PTPRD: variants seen among roughly 807,000 people sequenced by gnomAD.
The protein encoded by PTPRD is receptor-type tyrosine-protein phosphatase delta.
In PTPRD, 34 loss-of-function variants were observed where a neutral mutation model predicts 214.5. The ratio of observed to expected loss-of-function variants is 0.16; its 90% confidence interval spans 0.12 to 0.21. The LOEUF is 0.21. Among genes scored for constraint, PTPRD ranks in the 10% least tolerant of loss-of-function variants. The pLI is 1.00. For synonymous variants in PTPRD, 1,128 were observed against 845.7 expected, an observed-to-expected ratio of 1.33 and a Z score of -5.79; for missense variants, 2,545 against 2,398.7, an observed-to-expected ratio of 1.06 and a Z score of -1.27.
rs574073808 is a variant in PTPRD, at chr9:8,916,398, G to A, written c.-104+102299C>T. ...CTGAAAATCACAGTCAGAAAGTAGT[G>A]GATACACTATGAGAATATTGTATAA... On this transcript the variant is annotated intron_variant, in intron 11 of 45. Transcript: ENST00000381196. 2.6e-5 allele frequency among the ~76,000 whole-genome samples: 4 copies of A among 152,236 alleles called. No homozygotes were observed. In the East Asian group the frequency reaches 7.7e-4, roughly 29 times the overall value.
At chr9:8,374,082 CCATT>C (rs2082473747) in intron 39 of PTPRD, among the ~76,000 whole-genome samples, 1 of 148,886 alleles carries the variant, frequency 6.7e-6, no homozygotes, top group East Asian at 2.0e-4. Flanking sequence ...ATTTTTGTTC[CCATT>C]ATTTTAAACA....
intron 8 of PTPRD, among the ~76,000 whole-genome samples, chr9:9,552,838 G>A (rs1259526875): frequency 3.9e-5 from 6 of 152,078 alleles, no homozygotes; most frequent in Non-Finnish European, 7.4e-5. Flanking sequence ...GTCATTTGCT[G>A]ACAGTAAACC....
At chr9:9,189,262 T>C (rs962465889) in intron 9 of PTPRD, among the ~76,000 whole-genome samples, 1 of 152,010 alleles carries the variant, frequency 6.6e-6, no homozygotes, top group African/African-American at 2.4e-5. Flanking sequence ...TTGAAAGAGA[T>C]CTTGAACAAC....
At chr9:8,751,157 A>G (rs1023221071) in intron 11 of PTPRD, among the ~76,000 whole-genome samples, 1 of 152,182 alleles carries the variant, frequency 6.6e-6, no homozygotes, top group Non-Finnish European at 1.5e-5. Context: ...CTCTGTTCCT[A>G]CACAGCAACC....
intron 8 of PTPRD, among the ~76,000 whole-genome samples, chr9:9,422,011 A>G (rs1435548414): frequency 2.6e-5 from 4 of 152,134 alleles, no homozygotes; most frequent in African/African-American, 4.8e-5. Context: ...AAAAAACAGT[A>G]AAGAATGTGA....
intron 11 of PTPRD, among the ~76,000 whole-genome samples, chr9:8,875,579 T>C (rs1165762653): frequency 1.3e-5 from 2 of 152,040 alleles, no homozygotes; most frequent in Admixed American, 1.3e-4. Context: ...AACATCTCAA[T>C]GAGTATTTAC....
At chr9:9,049,889 T>G (rs572449981) in intron 10 of PTPRD, among the ~76,000 whole-genome samples, 4 of 152,174 alleles carry the variant, frequency 2.6e-5, no homozygotes, top group African/African-American at 9.7e-5. Context: ...GACCCCAACT[T>G]TGAGATTAGA....
intron 2 of PTPRD, among the ~76,000 whole-genome samples, chr9:10,396,497 C>G (rs1052028894): frequency 6.6e-6 from 1 of 151,866 alleles, no homozygotes; most frequent in Admixed American, 6.6e-5. Flanking sequence ...TTCTTCTCCC[C>G]CAGTTCTATT....
chr9:10,555,761 A>G (rs1177282367), intron 2 of PTPRD, among the ~76,000 whole-genome samples: 2 of 152,254 alleles, frequency 1.3e-5, no homozygotes, highest in African/African-American at 2.4e-5. Context: ...AAAAAACCAC[A>G]AAACTCAATC....
At chr9:9,090,381 G>A (rs552629139) in intron 10 of PTPRD, among the ~76,000 whole-genome samples, 7 of 152,312 alleles carry the variant, frequency 4.6e-5, no homozygotes, top group African/African-American at 1.4e-4. Context: ...TGGTGCAAAT[G>A]ACAGGATTTA....
Position 8,815,063 on chromosome 9 carries a change from T to C in PTPRD, c.-103-81117A>G, listed in dbSNP as rs73429098. On this transcript the variant is annotated intron_variant, in intron 11 of 45. Transcript: ENST00000381196. The stretch of plus-strand genomic sequence containing the variant: ...CTCCAATTCTGGCAGTGGACAAGAA[T>C]TGTCATATCTCACATTTAAAGGTGA... 3.8e-3 allele frequency among the ~76,000 whole-genome samples: 575 copies of C among 152,306 alleles called. 3 individuals carry two copies. The highest frequency in any genetic ancestry group is 0.013 in the African/African-American group (525 of 41,580).
At chr9:9,709,838 AT>A (rs754415924) in intron 7 of PTPRD, among the ~76,000 whole-genome samples, 15 of 152,094 alleles carry the variant, frequency 9.9e-5, no homozygotes, top group Admixed American at 3.9e-4. Flanking sequence ...TTACAGATTG[AT>A]TTCTCTATGT....
intron 3 of PTPRD, among the ~76,000 whole-genome samples, chr9:10,210,908 G>C (rs1024273962): frequency 6.7e-6 from 1 of 148,426 alleles, no homozygotes; most frequent in Non-Finnish European, 1.5e-5. Flanking sequence ...CAAGTTCAGA[G>C]CTGATGCTAA....
chr9:10,572,155 A>G (rs534244539), intron 2 of PTPRD, among the ~76,000 whole-genome samples: 1 of 152,308 alleles, frequency 6.6e-6, no homozygotes, highest in East Asian at 1.9e-4. Context: ...TATGACTAAG[A>G]ACTCATGTAC....
rs192297391 is a variant in PTPRD, at chr9:9,049,600, C to T, written c.-142-30865G>A. 1.8e-4 allele frequency among the ~76,000 whole-genome samples: 28 copies of T among 151,976 alleles called. No homozygotes were observed. In the East Asian group the frequency reaches 3.3e-3, roughly 18 times the overall value. Reference sequence around the variant, plus strand: ...GTCATTTTTTTTTAGCAAAACGTTCCGATGTTTATTTGTAGGTAGTTATGA... The same window carrying T: ...GTCATTTTTTTTTAGCAAAACGTTCTGATGTTTATTTGTAGGTAGTTATGA... On this transcript the variant is annotated intron_variant, in intron 10 of 45. Coordinates refer to ENST00000381196, the MANE Select transcript of PTPRD (RefSeq NM_002839.4).
At position 9,058,506 on chromosome 9, in the gene PTPRD, A is replaced by G. The variant is rs324497; in HGVS notation, c.-142-39771T>C. ...CGCTGTCGCCCAGGCTGGAGTGCAG[A>G]GGCGCGATCTCGGCTCACTGCAGCC... On this transcript the variant is annotated intron_variant, in intron 10 of 45. Coordinates refer to ENST00000381196, the MANE Select transcript of PTPRD (RefSeq NM_002839.4). Among the ~76,000 whole-genome samples the G allele has an allele frequency of 3.8e-3, 529 of 139,346 alleles. 4 individuals are homozygous for G. The highest frequency in any genetic ancestry group is 0.014 in the African/African-American group (510 of 37,768). The allele number at this position is 139,346 out of a possible 152,430, so 91.4% of individuals were successfully genotyped here. A position where few individuals can be genotyped will look rare whatever the true frequency, so the allele number is the denominator to read the frequency against.
chr9:10,069,078 G>C (rs554474384), intron 3 of PTPRD, among the ~76,000 whole-genome samples: 1 of 151,964 alleles, frequency 6.6e-6, no homozygotes, highest in Admixed American at 6.6e-5. Context: ...CTGGCAGCTT[G>C]GTTTTATTGT....
Position 10,028,066 on chromosome 9 carries a change from T to A in PTPRD, c.-472+5652A>T, listed in dbSNP as rs146894386. On this transcript the variant is annotated intron_variant, in intron 4 of 45. Coordinates refer to ENST00000381196, the MANE Select transcript of PTPRD (RefSeq NM_002839.4). ...CCCATGTGTTGTGGGAGGGACCTGG[T>A]GGGAGGTAAATGAATCATGAGGGCG... Among the ~76,000 whole-genome samples the A allele has an allele frequency of 3.4e-3, 521 of 152,252 alleles. 1 individual carries two copies. The highest frequency in any genetic ancestry group is 0.012 in the African/African-American group (494 of 41,556).
At chr9:10,338,451 C>G (rs1029532759) in intron 3 of PTPRD, among the ~76,000 whole-genome samples, 2 of 151,744 alleles carry the variant, frequency 1.3e-5, no homozygotes, top group Admixed American at 1.3e-4. Flanking sequence ...TAATGCATTT[C>G]AACAAATAAT....
Sources: gnomAD v4.1 joint callset for allele counts (sites outside exome capture counted in the v4.1 genomes callset) on GRCh38, gnomAD v4.1.1 for gene constraint, MANE v1.5 for transcripts, NCBI Gene and HGNC (gene_info 2026-07-23, HGNC 2026-07-21) for gene names.